GLRX3: variants seen among roughly 807,000 people sequenced by gnomAD.
The protein encoded by GLRX3 is glutaredoxin 3, also known as glutaredoxin-3.
GLRX3 carries 22 observed loss-of-function variants against 49.5 expected under a neutral mutation model. That is an observed-to-expected ratio of 0.44 (90% confidence interval 0.32 to 0.63). The LOEUF (loss-of-function observed/expected upper bound fraction) is 0.63, where lower values mean the gene tolerates loss of function less well. Ranked by LOEUF, GLRX3 falls within the 30% of genes least tolerant of loss-of-function variation. The pLI is 0.05. For synonymous variants in GLRX3, 133 were observed against 140.0 expected, an observed-to-expected ratio of 0.95 and a Z score of 0.35; for missense variants, 385 against 396.3, an observed-to-expected ratio of 0.97 and a Z score of 0.24.
intron 2 of GLRX3, among the ~76,000 whole-genome samples, chr10:130,153,302 A>T (rs766952472): frequency 6.6e-6 from 1 of 152,182 alleles, no homozygotes; most frequent in Non-Finnish European, 1.5e-5. Flanking sequence ...GCTTCTGTCA[A>T]CTTGTTGAAC....
Position 130,179,611 on chromosome 10 carries a change from ATTGTATG to A in GLRX3, c.*220_*226del. On this transcript the variant is annotated 3_prime_UTR_variant, in exon 11 of 11. Transcript: ENST00000331244. The stretch of plus-strand genomic sequence containing the variant: ...AAACATCTTCAAATTATTAACAATA[ATTGTATG>A]AAAAAAGTGTATCTTTACAGCAGTA... 2.0e-6 allele frequency: 1 copy of A among 490,012 alleles called. No homozygotes were observed. Among genetic ancestry groups the A allele is most frequent in the African/African-American group, 2.0e-5 (1 of 48,930 alleles). 30.4% of individuals were successfully genotyped at this position (490,012 alleles called of 1,614,324 possible).
chr10:130,177,030 T>A (rs141981118), intron 10 of GLRX3, among the ~76,000 whole-genome samples: 1 of 152,170 alleles, frequency 6.6e-6, no homozygotes, highest in African/African-American at 2.4e-5. Flanking sequence ...TAAGAACATA[T>A]ACGTTTGAAA....
chr10:130,145,702 A>G (rs962962565), intron 2 of GLRX3, among the ~76,000 whole-genome samples: 1 of 152,166 alleles, frequency 6.6e-6, no homozygotes, highest in East Asian at 1.9e-4. Flanking sequence ...AGATTTTATT[A>G]ACTAATATAA....
Position 130,166,625 on chromosome 10 carries a change from C to A in GLRX3, c.597C>A (p.Thr199=). ...TCAAAGCCTATTCCAGTTGGCCTAC[C>A]TATCCTCAGCTCTATGTTTCTGGAG... ...QGLKAYSSWP[T]YPQLYVSGEL... The change falls in exon 5 of 11, where the codon ACC becomes ACA. Residue 199 remains threonine, a synonymous_variant. Coordinates refer to ENST00000331244, the MANE Select transcript of GLRX3 (RefSeq NM_006541.5). 7 of 1,611,054 alleles carry A rather than the reference C, an allele frequency of 4.3e-6. No homozygotes were observed. Among genetic ancestry groups the A allele is most frequent in the Non-Finnish European group, 5.9e-6 (7 of 1,177,258 alleles).
At chr10:130,176,466 C>T (rs1862922559) in intron 10 of GLRX3, among the ~76,000 whole-genome samples, 1 of 152,154 alleles carries the variant, frequency 6.6e-6, no homozygotes, top group Non-Finnish European at 1.5e-5. Context: ...AAGCACTAGC[C>T]TACCACTGAA....
Position 130,171,629 on chromosome 10 carries a change from A to G in GLRX3, c.817A>G (p.Ser273Gly), listed in dbSNP as rs777520936. 6.7e-7 allele frequency: 1 copy of G among 1,499,192 alleles called. No individual in the cohort carries two copies. The highest frequency in any genetic ancestry group is 9.3e-7 in the Non-Finnish European group (1 of 1,075,530). 92.9% of individuals were successfully genotyped at this position (1,499,192 alleles called of 1,614,324 possible). A position where few individuals can be genotyped will look rare whatever the true frequency, so the allele number is the denominator to read the frequency against. The change falls in exon 8 of 11, where the codon AGT (serine) becomes GGT (glycine). Residue 273 changes from serine (S) to glycine (G), a missense_variant. This residue lies in a region of GLRX3 where 374 missense variants were observed against 358.6 expected (regional missense o/e 1.04). Coordinates refer to ENST00000331244, the MANE Select transcript of GLRX3 (RefSeq NM_006541.5). ...CAAACAAATTCTGGAAATACTAAAT[A>G]GTACTGGGTATGTAAATGTTGTTTT... ...FSKQILEILN[S>G]TGVEYETFDI... is the part of the protein sequence containing the mutation.
At chr10:130,154,017 G>A (rs1590063203) in intron 2 of GLRX3, among the ~76,000 whole-genome samples, 2 of 152,274 alleles carry the variant, frequency 1.3e-5, no homozygotes, top group African/African-American at 2.4e-5. Context: ...CCTCAGCAAT[G>A]GCCTACTCAA....
chr10:130,171,753 C>A, intron 8 of GLRX3, 117 bp downstream of exon 8: 1 of 708,880 alleles, frequency 1.4e-6, no homozygotes, highest in South Asian at 1.6e-5. Context: ...ATTGCTTGAG[C>A]CCAGGTGTTC....
intron 1 of GLRX3, among the ~76,000 whole-genome samples, chr10:130,143,963 T>C (rs972008566): frequency 5.3e-5 from 8 of 152,220 alleles, no homozygotes; most frequent in Non-Finnish European, 1.2e-4. Flanking sequence ...CCTCCCAAAG[T>C]GCTGGGATTA....
At chr10:130,176,770 C>CTCCCTCCCTCTG (rs1554958611) in intron 10 of GLRX3, among the ~76,000 whole-genome samples, 1 of 114,390 alleles carries the variant, frequency 8.7e-6, no homozygotes. Context: ...CCCTCCCTCC[C>CTCCCTCCCTCTG]TCTTTCTCTC....
At chr10:130,167,108 T>C (rs781367419) in intron 6 of GLRX3, 128 bp downstream of exon 6, 3 of 528,088 alleles carry the variant, frequency 5.7e-6, no homozygotes, top group African/African-American at 2.0e-5. Context: ...GTCATAATTG[T>C]TTAGTCACAT....
chr10:130,175,151 T>C (rs771099989), intron 10 of GLRX3, 62 bp downstream of exon 10: 196 of 941,898 alleles, frequency 2.1e-4, no homozygotes, highest in Non-Finnish European at 3.0e-4. Context: ...TTAAAAATGA[T>C]TTCATATTGA....
chr10:130,151,603 T>G (rs1053944022), intron 2 of GLRX3, among the ~76,000 whole-genome samples: 1 of 152,080 alleles, frequency 6.6e-6, no homozygotes, highest in African/African-American at 2.4e-5. Flanking sequence ...CTCCCACTTA[T>G]GAGTGAGAAC....
At position 130,160,815 on chromosome 10, in the gene GLRX3, G is replaced by T. The variant is rs149808038; in HGVS notation, c.296G>T (p.Arg99Leu). 1 of 1,596,770 alleles carries T rather than the reference G, an allele frequency of 6.3e-7. No homozygotes were observed. The highest frequency in any genetic ancestry group is 8.6e-7 in the Non-Finnish European group (1 of 1,164,366). ...LFFKNSQKID[R>L]LDGAHAPELT... ...CTTTAGAATTCTCAGAAAATCGACC[G>T]ATTAGATGGTGCACATGCCCCAGAG... Residue 99 changes from arginine to leucine, a missense_variant, in exon 4 of 11, where the codon CGA becomes CTA. Arg to Leu is a moderately radical substitution (Grantham distance 102). Around this residue, in one of 2 missense-constraint regions of GLRX3, gnomAD observed 374 missense variants for 358.6 expected, o/e 1.04. Coordinates refer to ENST00000331244, the MANE Select transcript of GLRX3 (RefSeq NM_006541.5).
chr10:130,143,935 G>A (rs575744418), intron 1 of GLRX3, among the ~76,000 whole-genome samples: 2 of 152,270 alleles, frequency 1.3e-5, no homozygotes, highest in African/African-American at 4.8e-5. Flanking sequence ...CCGACCTCAA[G>A]TGATCTGCCT....
chr10:130,153,087 A>T (rs899075724), intron 2 of GLRX3, among the ~76,000 whole-genome samples: 34 of 151,916 alleles, frequency 2.2e-4, no homozygotes, highest in Admixed American at 8.5e-4. Flanking sequence ...TTTCCGCTTG[A>T]TCGAATCGGC....
intron 2 of GLRX3, among the ~76,000 whole-genome samples, chr10:130,151,658 G>T (rs1389103157): frequency 1.3e-5 from 2 of 152,096 alleles, no homozygotes; most frequent in Non-Finnish European, 2.9e-5. Context: ...TGCTGAAAAT[G>T]CTGGTTTCCA....
At chr10:130,168,682 C>T (rs1486081226) in intron 6 of GLRX3, among the ~76,000 whole-genome samples, 6 of 152,106 alleles carry the variant, frequency 3.9e-5, no homozygotes, top group African/African-American at 1.2e-4. Flanking sequence ...CTCCTGACCT[C>T]GTGATCCACC....
intron 2 of GLRX3, among the ~76,000 whole-genome samples, 181 bp downstream of exon 2, chr10:130,145,500 T>C (rs1862255032): frequency 6.6e-6 from 1 of 151,930 alleles, no homozygotes; most frequent in Non-Finnish European, 1.5e-5. Context: ...CTGTCTCTAC[T>C]AAAATACAAA....
Sources: allele counts gnomAD v4.1 joint callset (sites outside exome capture counted in the v4.1 genomes callset), GRCh38; gene constraint gnomAD v4.1.1; regional missense constraint gnomAD v4.1.1; transcripts MANE v1.5; gene names NCBI Gene and HGNC (gene_info 2026-07-23, HGNC 2026-07-21).